Variants in SPOP observed in about 807,000 individuals in gnomAD.
SPOP encodes the protein speckle-type POZ protein.
In SPOP, 11 loss-of-function variants were observed where a neutral mutation model predicts 45.6. The ratio of observed to expected loss-of-function variants is 0.24; its 90% CI spans 0.15 to 0.40. SPOP has a LOEUF of 0.40. SPOP is among the 10% of genes least tolerant of loss of function. The pLI is 1.00. For missense variants in SPOP, 152 were observed against 465.6 expected, an observed-to-expected ratio of 0.33 and a Z score of 6.20; for synonymous variants, 166 against 166.3, an observed-to-expected ratio of 1.00 and a Z score of 0.01.
intron 1 of SPOP, among the ~76,000 whole-genome samples, chr17:49,632,652 C>T (rs1022140047): frequency 1.3e-5 from 2 of 152,126 alleles, no homozygotes; most frequent in African/African-American, 4.8e-5. Flanking sequence ...ACCAACATGC[C>T]CAGGTAATTT....
rs191863474 is a variant in SPOP, at chr17:49,654,972, A to G, written c.-67+22961T>C. On this transcript the variant is annotated intron_variant, in intron 1 of 9. Transcript: ENST00000504102. ...ACTCCACCAAGTTAACAGCATCCTA[A>G]GAGGGCCTGTCAGAAAAGCCAGTCA... Among the ~76,000 whole-genome samples, 498 of 152,276 alleles carry G rather than the reference A, an allele frequency of 3.3e-3. 5 individuals are homozygous for G. Among genetic ancestry groups the G allele is most frequent in the African/African-American group, 0.012 (481 of 41,552 alleles).
At chr17:49,645,596 GAAAGCACATCTTAAATAAAAATAATGTC>G (rs1183882060) in intron 1 of SPOP, among the ~76,000 whole-genome samples, 1 of 151,922 alleles carries the variant, frequency 6.6e-6, no homozygotes, top group Non-Finnish European at 1.5e-5. Flanking sequence ...CGCCCAGCCA[GAAAGCACATCTTAAATAAAAATAATGTC>G]CACAGTAATC....
At chr17:49,618,177 G>A (rs889857658) in intron 5 of SPOP, among the ~76,000 whole-genome samples, 8 of 152,144 alleles carry the variant, frequency 5.3e-5, no homozygotes, top group African/African-American at 1.9e-4. Flanking sequence ...TGCTCAGGAA[G>A]TGGTTCCTCA....
intron 6 of SPOP, among the ~76,000 whole-genome samples, chr17:49,608,930 G>T (rs1315999519): frequency 1.3e-5 from 2 of 150,318 alleles, no homozygotes. Context: ...TGAGACAAAA[G>T]TCTTGCTCTG....
intron 5 of SPOP, 59 bp downstream of exon 5, chr17:49,618,922 G>A: frequency 6.5e-7 from 1 of 1,544,330 alleles, no homozygotes. Context: ...ATATAATTAA[G>A]TCTACCAATA....
chr17:49,600,234 TA>T lies in SPOP; in HGVS notation c.*143del. ...TCCCCCAAGTTATTTAGTGCTGTTTTAAAAGTCTGGGGCCACAATGCAGTCT... is the reference window on the plus strand; with the variant it reads ...TCCCCCAAGTTATTTAGTGCTGTTTTAAAGTCTGGGGCCACAATGCAGTCT... On this transcript the variant is annotated 3_prime_UTR_variant, in exon 10 of 10. Transcript: ENST00000504102. The surrounding 1 kb of genome is among the most constrained non-coding windows in gnomAD (Gnocchi z 4.2). 1 of 1,114,666 alleles carries T rather than the reference TA, an allele frequency of 9.0e-7. No individual in the cohort carries two copies. Among genetic ancestry groups the T allele is most frequent in the Non-Finnish European group, 1.3e-6 (1 of 773,378 alleles). The allele number at this position is 1,114,666 out of a possible 1,614,324, so 69.0% of individuals were successfully genotyped here. A position where few individuals can be genotyped will look rare whatever the true frequency, so the allele number is the denominator to read the frequency against.
At chr17:49,661,937 G>A (rs903168031) in intron 1 of SPOP, among the ~76,000 whole-genome samples, 3 of 150,452 alleles carry the variant, frequency 2.0e-5, no homozygotes, top group African/African-American at 7.4e-5. Context: ...CACTTGAACT[G>A]GGAAGGCGGA....
At chr17:49,629,292 T>C (rs987020988) in intron 1 of SPOP, among the ~76,000 whole-genome samples, 7 of 152,140 alleles carry the variant, frequency 4.6e-5, no homozygotes, top group Admixed American at 2.0e-4. Context: ...CCAGTTGCAT[T>C]CAAGTTCATT....
chr17:49,657,835 G>A (rs1327728529), intron 1 of SPOP, among the ~76,000 whole-genome samples: 2 of 151,578 alleles, frequency 1.3e-5, no homozygotes, highest in East Asian at 1.9e-4. Flanking sequence ...CTGAGTAGCT[G>A]GGACTACAGC....
chr17:49,646,231 A>G (rs1314329724), intron 1 of SPOP: 1 of 152,226 alleles, frequency 6.6e-6, no homozygotes, highest in African/African-American at 2.4e-5. Context: ...GTTGAGCACT[A>G]TAGTCTAGTG....
intron 1 of SPOP, among the ~76,000 whole-genome samples, chr17:49,637,085 C>T (rs752508319): frequency 1.3e-5 from 2 of 151,960 alleles, no homozygotes; most frequent in Non-Finnish European, 1.5e-5. Context: ...TGGTGGTGCA[C>T]GACTGTAGTC....
intron 7 of SPOP, among the ~76,000 whole-genome samples, 200 bp from the exon 8 acceptor site, chr17:49,607,572 T>A (rs1213138762): frequency 6.6e-6 from 1 of 152,194 alleles, no homozygotes; most frequent in Non-Finnish European, 1.5e-5. Context: ...TTCTTAAACA[T>A]AACAGCAAAA....
intron 1 of SPOP, among the ~76,000 whole-genome samples, chr17:49,653,969 A>G (rs17712617): frequency 0.084 from 12,750 of 152,154 alleles, 697 homozygotes; most frequent in Non-Finnish European, 0.12. Context: ...AGAGTAGGTG[A>G]GCAACTTGTA....
intron 1 of SPOP, among the ~76,000 whole-genome samples, chr17:49,669,921 C>T (rs2073116314): frequency 6.7e-6 from 1 of 149,928 alleles, no homozygotes; most frequent in Non-Finnish European, 1.5e-5. Context: ...ATCACACATA[C>T]ATTTTTCCTC....
intron 1 of SPOP, among the ~76,000 whole-genome samples, chr17:49,666,934 T>G (rs1206854289): frequency 1.3e-5 from 2 of 151,934 alleles, no homozygotes; most frequent in Non-Finnish European, 2.9e-5. Context: ...ATCCCAGTAC[T>G]TTGGGAGGCC....
chr17:49,613,673 T>C (rs181003694), intron 5 of SPOP, among the ~76,000 whole-genome samples: 1 of 152,326 alleles, frequency 6.6e-6, no homozygotes, highest in African/African-American at 2.4e-5. Flanking sequence ...GCTTGTTCTG[T>C]AGATATATAG....
In SPOP at chr17:49,642,421, C is replaced by T. The variant is rs950056167; in HGVS notation, c.-66-19545G>A. 5.3e-5 allele frequency among the ~76,000 whole-genome samples: 8 copies of T among 150,624 alleles called. No individual in the cohort carries two copies. In the East Asian group the frequency reaches 1.0e-3, roughly 19 times the overall value. ...AAAATTAGCTGAGCATGCTGGCATGCGCAGAGGTTGCAGTGAGCCGAGATC... is the reference window on the plus strand; with the variant it reads ...AAAATTAGCTGAGCATGCTGGCATGTGCAGAGGTTGCAGTGAGCCGAGATC... On this transcript the variant is annotated intron_variant, in intron 1 of 9. Transcript: ENST00000504102.
At chr17:49,650,253 G>C (rs1040731633) in intron 1 of SPOP, among the ~76,000 whole-genome samples, 1 of 152,020 alleles carries the variant, frequency 6.6e-6, no homozygotes, top group South Asian at 2.1e-4. Flanking sequence ...GGGGAGATGA[G>C]ATTTGTTTTC....
intron 1 of SPOP, among the ~76,000 whole-genome samples, chr17:49,649,954 C>T (rs1319859211): frequency 6.6e-6 from 1 of 151,920 alleles, no homozygotes; most frequent in African/African-American, 2.4e-5. Context: ...TACAATGGCA[C>T]GATCTCGGCT....
Sources: allele counts gnomAD v4.1 joint callset (sites outside exome capture counted in the v4.1 genomes callset), GRCh38; gene constraint gnomAD v4.1.1; non-coding constraint Gnocchi (gnomAD v3.1); transcripts MANE v1.5; gene names NCBI Gene and HGNC (gene_info 2026-07-23, HGNC 2026-07-21).